The following FCHSD2 variants were observed in gnomAD, a reference collection of about 807,000 sequenced individuals.
FCHSD2 encodes the protein F-BAR and double SH3 domains protein 2.
A neutral mutation model predicts 108.1 loss-of-function variants in FCHSD2; 38 were observed. The ratio of observed to expected loss-of-function variants is 0.35; its 90% CI spans 0.27 to 0.46. The LOEUF (loss-of-function observed/expected upper bound fraction) is 0.46, where lower values mean the gene tolerates loss of function less well. Among genes scored for constraint, FCHSD2 ranks in the 20% least tolerant of loss-of-function variants. The pLI is 1.00. For missense variants in FCHSD2, 751 were observed against 897.8 expected (o/e 0.84, Z 2.09); for synonymous variants, 279 against 314.7 (o/e 0.89, Z 1.20).
At chr11:72,871,903 T>C (rs1014581149) in intron 12 of FCHSD2, among the ~76,000 whole-genome samples, 8 of 152,040 alleles carry the variant, frequency 5.3e-5, no homozygotes, top group Admixed American at 3.9e-4. Flanking sequence ...GTACATAATT[T>C]TGATTTCCCT....
intron 8 of FCHSD2, among the ~76,000 whole-genome samples, chr11:72,963,659 C>G (rs1731085880): frequency 6.6e-6 from 1 of 152,142 alleles, no homozygotes; most frequent in South Asian, 2.1e-4. Context: ...TGAAACTGTT[C>G]CACCTCAGAT....
intron 2 of FCHSD2, among the ~76,000 whole-genome samples, chr11:73,125,785 AAAAAG>A (rs1860840978): frequency 6.6e-6 from 1 of 151,690 alleles, no homozygotes; most frequent in South Asian, 2.1e-4. Context: ...AAGAAAAAGA[AAAAAG>A]AAAGAAAGAA....
At chr11:72,928,627 C>G (rs1407400996) in intron 8 of FCHSD2, among the ~76,000 whole-genome samples, 1 of 152,180 alleles carries the variant, frequency 6.6e-6, no homozygotes, top group African/African-American at 2.4e-5. Context: ...CAATATTCTT[C>G]TATGTGCTGT....
chr11:73,017,477 A>C (rs1857999212), intron 3 of FCHSD2, among the ~76,000 whole-genome samples: 1 of 152,174 alleles, frequency 6.6e-6, no homozygotes, highest in Admixed American at 6.6e-5. Flanking sequence ...AGTAAAATCA[A>C]CACTACACTC....
At chr11:72,989,477 C>G (rs797019725) in intron 5 of FCHSD2, among the ~76,000 whole-genome samples, 1 of 152,108 alleles carries the variant, frequency 6.6e-6, no homozygotes, top group Non-Finnish European at 1.5e-5. Context: ...TTAACAAAGT[C>G]TCTCTTTATG....
At chr11:72,980,245 G>A (rs938676120) in intron 8 of FCHSD2, among the ~76,000 whole-genome samples, 2 of 152,134 alleles carry the variant, frequency 1.3e-5, no homozygotes, top group East Asian at 1.9e-4. Flanking sequence ...AAAAATAGTA[G>A]GAAAAGTTAA....
At chr11:73,000,738 G>A (rs926484449) in intron 5 of FCHSD2, among the ~76,000 whole-genome samples, 2 of 152,116 alleles carry the variant, frequency 1.3e-5, no homozygotes, top group African/African-American at 2.4e-5. Context: ...GAATTATGCC[G>A]AAAAGCGGTA....
chr11:72,922,444 G>C (rs555211645), intron 8 of FCHSD2, among the ~76,000 whole-genome samples: 1 of 152,174 alleles, frequency 6.6e-6, no homozygotes, highest in African/African-American at 2.4e-5. Context: ...GTGACTCAGA[G>C]ATACTGCTTT....
intron 13 of FCHSD2, among the ~76,000 whole-genome samples, chr11:72,850,437 C>T (rs941677991): frequency 2.6e-5 from 4 of 151,284 alleles, no homozygotes; most frequent in Admixed American, 6.6e-5. Flanking sequence ...AGTGTAGTGG[C>T]GTGATCTCGG....
At chr11:72,864,481 A>C (rs1367692460) in intron 13 of FCHSD2, among the ~76,000 whole-genome samples, 1 of 152,246 alleles carries the variant, frequency 6.6e-6, no homozygotes, top group African/African-American at 2.4e-5. Flanking sequence ...AAAGGTTGAG[A>C]CTGCAGTGAG....
intron 12 of FCHSD2, among the ~76,000 whole-genome samples, chr11:72,880,084 C>CAAAT (rs1855052522): frequency 1.5e-5 from 2 of 137,788 alleles, no homozygotes; most frequent in African/African-American, 2.7e-5. Flanking sequence ...AACAAACAAA[C>CAAAT]AAAAACCACC....
At chr11:72,934,331 C>CTTT (rs1235013217) in intron 8 of FCHSD2, among the ~76,000 whole-genome samples, 2 of 133,076 alleles carry the variant, frequency 1.5e-5, no homozygotes, top group African/African-American at 2.8e-5. Context: ...AGAGCCATGC[C>CTTT]TTTTTTTTTT....
At chr11:73,130,006 G>A (rs1268351341) in intron 2 of FCHSD2, among the ~76,000 whole-genome samples, 1 of 150,100 alleles carries the variant, frequency 6.7e-6, no homozygotes, top group Non-Finnish European at 1.5e-5. Context: ...AGCCCCCACC[G>A]AGTAGCTGGG....
At chr11:73,141,649 G>C (rs1179055153) in intron 1 of FCHSD2, among the ~76,000 whole-genome samples, 2 of 152,230 alleles carry the variant, frequency 1.3e-5, no homozygotes, top group Non-Finnish European at 2.9e-5. Flanking sequence ...TCCTGCGTTA[G>C]AGGACGGACG....
intron 2 of FCHSD2, among the ~76,000 whole-genome samples, chr11:73,130,765 C>T (rs1269682266): frequency 6.6e-6 from 1 of 152,168 alleles, no homozygotes; most frequent in African/African-American, 2.4e-5. Context: ...TTCTCCCCAA[C>T]ATAACTGACC....
intron 13 of FCHSD2, among the ~76,000 whole-genome samples, 180 bp from the exon 14 acceptor site, chr11:72,850,069 T>G (rs1337006851): frequency 2.7e-5 from 4 of 148,592 alleles, no homozygotes; most frequent in South Asian, 2.2e-4. Context: ...TTTTTTTTTT[T>G]TTTTTTTTTT....
intron 3 of FCHSD2, among the ~76,000 whole-genome samples, chr11:73,041,549 A>G (rs981134854): frequency 2.6e-5 from 4 of 152,088 alleles, no homozygotes; most frequent in African/African-American, 7.2e-5. Context: ...ATGTCTATTC[A>G]TATCCTTTCC....
At chr11:73,117,657 A>T (rs958027522) in intron 2 of FCHSD2, among the ~76,000 whole-genome samples, 1 of 152,206 alleles carries the variant, frequency 6.6e-6, no homozygotes, top group African/African-American at 2.4e-5. Flanking sequence ...GGGAATGGGA[A>T]GAAAGCTTCA....
chr11:72,863,317 T>G (rs138878062), intron 13 of FCHSD2, among the ~76,000 whole-genome samples: 124 of 152,312 alleles, frequency 8.1e-4, no homozygotes, highest in African/African-American at 2.7e-3. Flanking sequence ...CAAAGAACTC[T>G]GACTTATTCT....
Sources: gnomAD v4.1 joint callset for allele counts (sites outside exome capture counted in the v4.1 genomes callset) on GRCh38, gnomAD v4.1.1 for gene constraint, MANE v1.5 for transcripts, NCBI Gene and HGNC (gene_info 2026-07-23, HGNC 2026-07-21) for gene names.